The following LMBR1 variants were observed in gnomAD, a reference collection of about 807,000 sequenced individuals.
LMBR1 encodes limb development membrane protein 1, also known as limb region 1 protein homolog.
In LMBR1, 52 loss-of-function variants were observed where a neutral mutation model predicts 73.9. The observed-to-expected ratio is 0.70, with a 90% CI of 0.56 to 0.89. LMBR1 has a LOEUF of 0.89. Among genes scored for constraint, LMBR1 ranks in the 40% least tolerant of loss-of-function variants. The pLI is 0.00. For synonymous variants in LMBR1, 215 were observed against 209.4 expected, an observed-to-expected ratio of 1.03 and a Z score of -0.23; for missense variants, 539 against 579.8, an observed-to-expected ratio of 0.93 and a Z score of 0.72.
intron 9 of LMBR1, among the ~76,000 whole-genome samples, chr7:156,736,209 G>A (rs1319585540): frequency 1.3e-5 from 2 of 152,176 alleles, no homozygotes; most frequent in Non-Finnish European, 2.9e-5. Context: ...TCTAACCGGG[G>A]AAATCCGCAA....
At chr7:156,890,946 T>G (rs1802797953) in intron 1 of LMBR1, among the ~76,000 whole-genome samples, 1 of 151,870 alleles carries the variant, frequency 6.6e-6, no homozygotes, top group Admixed American at 6.6e-5. Flanking sequence ...ATCCCAGCAC[T>G]TTGGGAGGCC....
At chr7:156,753,103 T>G (rs1316662076) in intron 9 of LMBR1, among the ~76,000 whole-genome samples, 2 of 152,036 alleles carry the variant, frequency 1.3e-5, no homozygotes, top group Non-Finnish European at 2.9e-5. Flanking sequence ...TGCTTGATTG[T>G]AAGATTATGC....
chr7:156,696,777 T>G (rs1326090066), intron 15 of LMBR1, among the ~76,000 whole-genome samples: 1 of 152,218 alleles, frequency 6.6e-6, no homozygotes, highest in East Asian at 1.9e-4. Flanking sequence ...AACCATATTA[T>G]TCTGCCCCTG....
chr7:156,819,452 T>C (rs1834415038), intron 4 of LMBR1, among the ~76,000 whole-genome samples: 1 of 152,178 alleles, frequency 6.6e-6, no homozygotes, highest in Non-Finnish European at 1.5e-5. Flanking sequence ...TTCCTAATGA[T>C]ATAATTATAA....
At chr7:156,757,480 T>A (rs1323624362) in intron 8 of LMBR1, among the ~76,000 whole-genome samples, 1 of 152,240 alleles carries the variant, frequency 6.6e-6, no homozygotes, top group African/African-American at 2.4e-5. Flanking sequence ...ACCAATTGTA[T>A]GGGATATTGT....
chr7:156,722,212 A>G (rs900780647), intron 15 of LMBR1, among the ~76,000 whole-genome samples: 3 of 152,136 alleles, frequency 2.0e-5, no homozygotes, highest in African/African-American at 7.2e-5. Context: ...AGACCACACT[A>G]AGGTCAGGGT....
At chr7:156,772,119 CAA>C (rs1254733459) in intron 5 of LMBR1, among the ~76,000 whole-genome samples, 2 of 151,868 alleles carry the variant, frequency 1.3e-5, no homozygotes, top group Non-Finnish European at 2.9e-5. Flanking sequence ...ACTAAAAATA[CAA>C]AAATTAGCCA....
chr7:156,826,889 A>G (rs1835797033), intron 3 of LMBR1, 145 bp from the exon 4 acceptor site: 1 of 708,544 alleles, frequency 1.4e-6, no homozygotes, highest in Admixed American at 3.1e-5. Context: ...TTGGGAGACA[A>G]ATGATATACA....
At chr7:156,807,717 T>C (rs1246284820) in intron 4 of LMBR1, among the ~76,000 whole-genome samples, 3 of 152,208 alleles carry the variant, frequency 2.0e-5, no homozygotes, top group South Asian at 2.1e-4. Context: ...AGAAACTGAT[T>C]TGAGGCCTTT....
intron 10 of LMBR1, among the ~76,000 whole-genome samples, chr7:156,729,785 C>A (rs911600355): frequency 1.6e-4 from 25 of 152,132 alleles, no homozygotes; most frequent in African/African-American, 6.0e-4. Flanking sequence ...CTTCTATTTT[C>A]CCAAAGATAA....
downstream of LMBR1, chr7:156,676,911 G>T (rs141109864): frequency 4.2e-5 from 18 of 432,790 alleles, no homozygotes; most frequent in African/African-American, 3.1e-4. Flanking sequence ...ATGAGAGCTT[G>T]CTTACTTCTA....
intron 4 of LMBR1, among the ~76,000 whole-genome samples, chr7:156,825,451 A>G (rs945727700): frequency 1.3e-5 from 2 of 152,222 alleles, no homozygotes; most frequent in Non-Finnish European, 2.9e-5. Flanking sequence ...AAATCTTAAC[A>G]AAGAATAAAT....
chr7:156,856,424 A>G (rs1011648599), intron 1 of LMBR1, among the ~76,000 whole-genome samples: 4 of 152,188 alleles, frequency 2.6e-5, no homozygotes, highest in Non-Finnish European at 2.9e-5. Context: ...AAGAAAGATC[A>G]TTAGGCCAGT....
rs565400685 is a variant in LMBR1, at chr7:156,786,951, C to A, written c.423+9438G>T. Among the ~76,000 whole-genome samples, 4 of 152,086 alleles carry A rather than the reference C, an allele frequency of 2.6e-5. No homozygotes were observed. In the East Asian group the frequency reaches 5.8e-4, roughly 22 times the overall value. On this transcript the variant is annotated intron_variant, in intron 5 of 16. Coordinates refer to ENST00000353442, the MANE Select transcript of LMBR1 (RefSeq NM_022458.4). ...TTAAATTATACATAACATTTTTAAT[C>A]AACTTTAATGCTATTTTCTTGGCTT... is the stretch of plus-strand genomic sequence containing the variant.
chr7:156,846,033 C>T (rs542693361), intron 1 of LMBR1, among the ~76,000 whole-genome samples: 2 of 151,988 alleles, frequency 1.3e-5, no homozygotes, highest in Admixed American at 6.5e-5. Context: ...GAGGCTGAGG[C>T]AGGAAGATCA....
In LMBR1 at chr7:156,811,332, C is replaced by A. The variant is rs1833056030; in HGVS notation, c.320-14840G>T. Among the ~76,000 whole-genome samples, 6 of 151,992 alleles carry A rather than the reference C, an allele frequency of 3.9e-5. No individual in the cohort carries two copies. In the South Asian group the frequency reaches 1.2e-3, roughly 32 times the overall value. On this transcript the variant is annotated intron_variant, in intron 4 of 16. Coordinates refer to ENST00000353442, the MANE Select transcript of LMBR1 (RefSeq NM_022458.4). Reference sequence around the variant, plus strand: ...ATAGTTATAAGAATTGTTTTCCTGGCCAGGCGCGGTGGCTCACGCCTGTAA... The same window carrying A: ...ATAGTTATAAGAATTGTTTTCCTGGACAGGCGCGGTGGCTCACGCCTGTAA...
At position 156,725,465 on chromosome 7, in the gene LMBR1, A is replaced by G; in HGVS notation, c.1128T>C (p.Thr376=). 1 of 1,610,332 alleles carries G rather than the reference A, an allele frequency of 6.2e-7. No individual in the cohort carries two copies. Among genetic ancestry groups the G allele is most frequent in the East Asian group, 2.2e-5 (1 of 44,830 alleles). Reference sequence around the variant, plus strand: ...TCATAGTTGTGTCATCTTTCTTGGGAGTAAAGTTTCCAAAAAATCGAAGGC... The same window carrying G: ...TCATAGTTGTGTCATCTTTCTTGGGGGTAAAGTTTCCAAAAAATCGAAGGC... ...FYSLRFFGNF[T]PKKDDTTMTK... The change falls in exon 14 of 17, where the codon ACT becomes ACC. Residue 376 remains threonine, a synonymous_variant. Coordinates refer to ENST00000353442, the MANE Select transcript of LMBR1 (RefSeq NM_022458.4).
At chr7:156,856,116 A>T (rs945619829) in intron 1 of LMBR1, among the ~76,000 whole-genome samples, 20 of 152,030 alleles carry the variant, frequency 1.3e-4, no homozygotes, top group African/African-American at 4.3e-4. Flanking sequence ...AATGGCGTGA[A>T]CCTGGGAGGC....
chr7:156,832,051 A>T (rs777588608), intron 3 of LMBR1, among the ~76,000 whole-genome samples: 7 of 152,234 alleles, frequency 4.6e-5, no homozygotes, highest in Non-Finnish European at 8.8e-5. Flanking sequence ...ATTTTCACAA[A>T]TGTCACAGGG....
Sources: gnomAD v4.1 joint callset for allele counts (sites outside exome capture counted in the v4.1 genomes callset) on GRCh38, gnomAD v4.1.1 for gene constraint, MANE v1.5 for transcripts, NCBI Gene and HGNC (gene_info 2026-07-23, HGNC 2026-07-21) for gene names.